The following TMEM192 variants were observed in gnomAD, a reference collection of about 807,000 sequenced individuals.
The protein encoded by TMEM192 is transmembrane protein 192.
TMEM192 carries 20 observed loss-of-function variants against 26.7 expected under a neutral mutation model. The observed-to-expected ratio is 0.75, with a 90% CI of 0.53 to 1.09. The LOEUF (loss-of-function observed/expected upper bound fraction) is 1.09. Among genes scored for constraint, TMEM192 ranks in the 50% least tolerant of loss-of-function variants. The pLI is 0.00. For missense variants in TMEM192, 304 were observed against 322.6 expected, an observed-to-expected ratio of 0.94 and a Z score of 0.44; for synonymous variants, 124 against 121.0, an observed-to-expected ratio of 1.02 and a Z score of -0.16.
At chr4:165,110,827 A>T (rs1735278579) in intron 1 of TMEM192, among the ~76,000 whole-genome samples, 1 of 152,208 alleles carries the variant, frequency 6.6e-6, no homozygotes, top group African/African-American at 2.4e-5. Context: ...CTTGGCATAT[A>T]CTCACCCTAT....
chr4:165,105,594 G>A (rs1440880626), intron 1 of TMEM192, among the ~76,000 whole-genome samples: 1 of 152,218 alleles, frequency 6.6e-6, no homozygotes, highest in Non-Finnish European at 1.5e-5. Flanking sequence ...CTGACGCACA[G>A]AGAGCACTCA....
intron 3 of TMEM192, among the ~76,000 whole-genome samples, chr4:165,090,042 T>C (rs1230935039): frequency 6.6e-6 from 1 of 151,616 alleles, no homozygotes; most frequent in Non-Finnish European, 1.5e-5. Context: ...AGAAACCCCA[T>C]CTCTACTAAA....
At chr4:165,089,436 C>T (rs1277679062) in intron 3 of TMEM192, among the ~76,000 whole-genome samples, 1 of 152,166 alleles carries the variant, frequency 6.6e-6, no homozygotes, top group Non-Finnish European at 1.5e-5. Context: ...ATTCTCCTGC[C>T]TCAGCCTCCC....
chr4:165,107,034 T>C (rs1174147572), intron 1 of TMEM192, among the ~76,000 whole-genome samples: 4 of 151,944 alleles, frequency 2.6e-5, no homozygotes, highest in Non-Finnish European at 5.9e-5. Context: ...CTTTTTTTTT[T>C]CTTTTTTTGA....
chr4:165,081,478 G>A (rs1384494208), intron 5 of TMEM192, among the ~76,000 whole-genome samples: 1 of 123,506 alleles, frequency 8.1e-6, no homozygotes, highest in Non-Finnish European at 1.7e-5. Context: ...CCGCCTCATG[G>A]GTTCATGCCA....
At position 165,077,934 on chromosome 4, in the gene TMEM192, T is replaced by C. The variant is rs1443455216; in HGVS notation, c.*1724A>G. ...TTGTGTGCAGGTGACACACGATCTT[T>C]TTTTTTTTTTTTTGAGAGACAGTGT... On this transcript the variant is annotated 3_prime_UTR_variant, in exon 6 of 6. Transcript: ENST00000306480. 6.7e-5 allele frequency: 10 copies of C among 150,130 alleles called. No homozygotes were observed. The highest frequency in any genetic ancestry group is 6.6e-4 in the Admixed American group (10 of 15,072). The allele number at this position is 150,130 out of a possible 1,614,324, so 9.3% of individuals were successfully genotyped here.
Position 165,072,568 on chromosome 4 carries a change from A to AC in TMEM192, c.*7089_*7090insG, listed in dbSNP as rs1198566318. ...CGAGACTCCCTCCCCCAAAAAAAAA[A>AC]AACAAAACCAAAAAACCGAAAGACT... On this transcript the variant is annotated 3_prime_UTR_variant, in exon 6 of 6. Transcript: ENST00000306480. 3 of 151,824 alleles carry AC rather than the reference A, an allele frequency of 2.0e-5. No individual in the cohort carries two copies. The highest frequency in any genetic ancestry group is 4.4e-5 in the Non-Finnish European group (3 of 68,106). The allele number at this position is 151,824 out of a possible 1,614,324, so 9.4% of individuals were successfully genotyped here.
At chr4:165,102,298 G>C (rs946222399) in intron 2 of TMEM192, among the ~76,000 whole-genome samples, 6 of 152,080 alleles carry the variant, frequency 3.9e-5, no homozygotes, top group African/African-American at 1.2e-4. Context: ...AACTGAAAAA[G>C]TAATACAAGC....
intron 3 of TMEM192, among the ~76,000 whole-genome samples, chr4:165,089,999 G>C (rs1259552123): frequency 6.6e-6 from 1 of 151,866 alleles, no homozygotes; most frequent in African/African-American, 2.4e-5. Context: ...ATCACCTGAG[G>C]TTGCGAGTTC....
chr4:165,107,022 CTCT>C (rs966564292), intron 1 of TMEM192, among the ~76,000 whole-genome samples: 2 of 151,624 alleles, frequency 1.3e-5, no homozygotes, highest in African/African-American at 4.8e-5. Flanking sequence ...TTTTTTTTCT[CTCT>C]TTTTTTTTTC....
intron 5 of TMEM192, among the ~76,000 whole-genome samples, chr4:165,085,006 G>A (rs1310411122): frequency 6.7e-6 from 1 of 149,636 alleles, no homozygotes; most frequent in Non-Finnish European, 1.5e-5. Flanking sequence ...CGGGCGAGGT[G>A]GCTCACGCCT....
chr4:165,072,265 T>G lies in TMEM192; in HGVS notation c.*7393A>C, dbSNP rs1373889438. On this transcript the variant is annotated 3_prime_UTR_variant, in exon 6 of 6. Transcript: ENST00000306480. Reference sequence around the variant, plus strand: ...AGAAAAAGAAAAAGAAAAACACTATTATAATAGGGCCAGGCACAGTGACTC... The same window carrying G: ...AGAAAAAGAAAAAGAAAAACACTATGATAATAGGGCCAGGCACAGTGACTC... 6.7e-6 allele frequency: 1 copy of G among 148,654 alleles called. No homozygotes were observed. The highest frequency in any genetic ancestry group is 1.5e-5 in the Non-Finnish European group (1 of 67,394). The allele number at this position is 148,654 out of a possible 1,614,324, so 9.2% of individuals were successfully genotyped here.
intron 1 of TMEM192, among the ~76,000 whole-genome samples, chr4:165,103,308 G>A (rs1735087318): frequency 6.6e-6 from 1 of 151,456 alleles, no homozygotes; most frequent in South Asian, 2.1e-4. Context: ...GTAGCAACAC[G>A]GTCTCACTAT....
At chr4:165,091,809 C>G (rs752349171) in intron 3 of TMEM192, among the ~76,000 whole-genome samples, 4 of 152,060 alleles carry the variant, frequency 2.6e-5, no homozygotes, top group Non-Finnish European at 4.4e-5. Flanking sequence ...CCTTTAGGTA[C>G]CCAGTGCAAG....
intron 1 of TMEM192, among the ~76,000 whole-genome samples, chr4:165,103,589 G>T (rs190395920): frequency 6.8e-6 from 1 of 147,832 alleles, no homozygotes; most frequent in Non-Finnish European, 1.5e-5. Flanking sequence ...ACCTTGGCTC[G>T]CCGAAACCTC....
At chr4:165,086,319 C>T (rs1292227919) in intron 4 of TMEM192, among the ~76,000 whole-genome samples, 4 of 151,676 alleles carry the variant, frequency 2.6e-5, no homozygotes, top group East Asian at 1.9e-4. Flanking sequence ...AGAAGCTACA[C>T]GTATGTATGG....
rs533641920 is a variant in TMEM192, at chr4:165,096,958, T to C, written c.439+3670A>G. Reference sequence around the variant, plus strand: ...TCTTTTGTAGTTTAAAATTAAGTTTTTTCTTTTTTTTTAATCTTTGTGTTA... The same window carrying C: ...TCTTTTGTAGTTTAAAATTAAGTTTCTTCTTTTTTTTTAATCTTTGTGTTA... On this transcript the variant is annotated intron_variant, in intron 3 of 5. Transcript: ENST00000306480. Among the ~76,000 whole-genome samples the C allele has an allele frequency of 1.1e-3, 5 of 4,540 alleles. No individual in the cohort carries two copies. The South Asian group carries it at 0.33, about 303-fold the overall frequency. The allele number at this position is 4,540 out of a possible 152,430, so 3.0% of individuals were successfully genotyped here. A position where few individuals can be genotyped will look rare whatever the true frequency, so the allele number is the denominator to read the frequency against.
At position 165,094,147 on chromosome 4, in the gene TMEM192, C is replaced by T. The variant is rs908305923; in HGVS notation, c.440-5545G>A. Among the ~76,000 whole-genome samples, 6 of 151,630 alleles carry T rather than the reference C, an allele frequency of 4.0e-5. No individual in the cohort carries two copies. The South Asian group carries it at 6.3e-4, about 16-fold the overall frequency. On this transcript the variant is annotated intron_variant, in intron 3 of 5. Coordinates refer to ENST00000306480, the MANE Select transcript of TMEM192 (RefSeq NM_001100389.2). Reference sequence around the variant, plus strand: ...AACTCCTGACCTCAGGTGATCTGCCCGCCTTGGCCTCCCAAAGTGCTGGGA... The same window carrying T: ...AACTCCTGACCTCAGGTGATCTGCCTGCCTTGGCCTCCCAAAGTGCTGGGA...
intron 4 of TMEM192, among the ~76,000 whole-genome samples, chr4:165,088,064 C>T (rs984465702): frequency 1.3e-5 from 2 of 152,100 alleles, no homozygotes; most frequent in African/African-American, 2.4e-5. Flanking sequence ...TGTGCACCAC[C>T]ATACCTGGCT....
Sources: gnomAD v4.1 joint callset for allele counts (sites outside exome capture counted in the v4.1 genomes callset) on GRCh38, gnomAD v4.1.1 for gene constraint, MANE v1.5 for transcripts, NCBI Gene and HGNC (gene_info 2026-07-23, HGNC 2026-07-21) for gene names.